Variants in PAAF1 observed in about 807,000 individuals in gnomAD.
The protein encoded by PAAF1 is proteasomal ATPase associated factor 1.
A neutral mutation model predicts 52.8 loss-of-function variants in PAAF1; 46 were observed. That is an observed-to-expected ratio of 0.87 (90% CI 0.69 to 1.11). The LOEUF is 1.11. Among genes scored for constraint, PAAF1 ranks in the 50% most tolerant of loss-of-function variants. PAAF1 has a pLI of 0.00. For missense variants in PAAF1, 424 were observed against 477.4 expected, an observed-to-expected ratio of 0.89 and a Z score of 1.04; for synonymous variants, 178 against 172.8, an observed-to-expected ratio of 1.03 and a Z score of -0.24.
At chr11:73,904,867 G>T (rs753225864) in intron 6 of PAAF1, among the ~76,000 whole-genome samples, 6 of 152,174 alleles carry the variant, frequency 3.9e-5, no homozygotes, top group African/African-American at 7.2e-5. Context: ...TGGGATGCTC[G>T]TATGTGATTC....
chr11:73,894,632 A>G, intron 4 of PAAF1, among the ~76,000 whole-genome samples: 1 of 149,334 alleles, frequency 6.7e-6, no homozygotes. Flanking sequence ...AAAGTATAAT[A>G]ATAAAAAAAA....
At chr11:73,925,168 A>C (rs60812833) in intron 11 of PAAF1, among the ~76,000 whole-genome samples, 10,022 of 150,960 alleles carry the variant, frequency 0.066, 430 homozygotes, top group South Asian at 0.21. Flanking sequence ...AAAAAAAAAA[A>C]AAAAAAACAA....
rs562260358 is a variant in PAAF1 at position 73,911,738 on chromosome 11, A to G, written c.727+2145A>G. Among the ~76,000 whole-genome samples, 3 of 149,412 alleles carry G rather than the reference A, an allele frequency of 2.0e-5. No individual in the cohort carries two copies. In the South Asian group the frequency reaches 6.4e-4, roughly 32 times the overall value. ...CCTCCCAGGTTCAAGTGTTCGAGTG[A>G]TTCTTGTGCCTCAGCCTCCCGAGTA... On this transcript the variant is annotated intron_variant, in intron 7 of 11. Transcript: ENST00000310571.
chr11:73,925,771 A>G (rs1441169065), intron 11 of PAAF1, among the ~76,000 whole-genome samples: 3 of 152,214 alleles, frequency 2.0e-5, no homozygotes, highest in African/African-American at 2.4e-5. Flanking sequence ...TACTATTCCT[A>G]TTTTTTCCTA....
rs1328497693 is a variant in PAAF1 at position 73,929,037 on chromosome 11, AGGC to A, written c.*1677_*1679del. ...CCCGGCCGGCCACCAGAGTTTTTAA[AGGC>A]GTATTCTCATGTAAATTTTTTTTTT... On this transcript the variant is annotated 3_prime_UTR_variant, in exon 12 of 12. Transcript: ENST00000310571. 1 of 151,384 alleles carries A rather than the reference AGGC, an allele frequency of 6.6e-6. No individual in the cohort carries two copies. Among genetic ancestry groups the A allele is most frequent in the Admixed American group, 6.6e-5 (1 of 15,178 alleles). 9.4% of individuals were successfully genotyped at this position (151,384 alleles called of 1,614,324 possible).
intron 11 of PAAF1, among the ~76,000 whole-genome samples, chr11:73,925,175 AC>A (rs1484539280): frequency 0.015 from 2,179 of 147,912 alleles, 58 homozygotes; most frequent in African/African-American, 0.051. Context: ...AAAAAAAAAA[AC>A]AAGTGACTTC....
At chr11:73,923,560 G>C (rs1198799960) in intron 10 of PAAF1, among the ~76,000 whole-genome samples, 5 of 152,102 alleles carry the variant, frequency 3.3e-5, no homozygotes, top group African/African-American at 1.2e-4. Context: ...TTTTGAGACA[G>C]AGTCTCACTC....
Position 73,927,486 on chromosome 11 carries a change from CAG to C in PAAF1, c.*126_*127del. The C allele has an allele frequency of 1.3e-6, 1 of 798,980 alleles. No homozygotes were observed. Among genetic ancestry groups the C allele is most frequent in the Non-Finnish European group, 2.1e-6 (1 of 482,590 alleles). The allele number at this position is 798,980 out of a possible 1,614,324, so 49.5% of individuals were successfully genotyped here. ...TGTCTTGGGCACCCCTTGGAAATCA[CAG>C]AAAGTCAGCTGTACTGGCCGTGTGG... On this transcript the variant is annotated 3_prime_UTR_variant, in exon 12 of 12. Transcript: ENST00000310571.
At chr11:73,882,048 A>T (rs900615397) in intron 2 of PAAF1, among the ~76,000 whole-genome samples, 3 of 141,938 alleles carry the variant, frequency 2.1e-5, no homozygotes, top group African/African-American at 7.8e-5. Flanking sequence ...CTAATTTTGT[A>T]TTTTTTTTTT....
At chr11:73,923,939 T>TAAAA (rs1488795884) in intron 10 of PAAF1, among the ~76,000 whole-genome samples, 1 of 152,134 alleles carries the variant, frequency 6.6e-6, no homozygotes, top group African/African-American at 2.4e-5. Context: ...AATGTTTCTT[T>TAAAA]AAAAAATGTT....
At chr11:73,914,788 A>G (rs113413367) in intron 8 of PAAF1, among the ~76,000 whole-genome samples, 12,835 of 149,930 alleles carry the variant, frequency 0.086, 689 homozygotes, top group East Asian at 0.18. Context: ...GCTCACTGCA[A>G]CCTCCACCTC....
chr11:73,893,531 G>C (rs1300914648), intron 4 of PAAF1, among the ~76,000 whole-genome samples: 1 of 151,938 alleles, frequency 6.6e-6, no homozygotes, highest in East Asian at 1.9e-4. Flanking sequence ...GAGGTGAGGA[G>C]TTCAAGACCA....
chr11:73,908,738 C>T (rs1949846070), intron 6 of PAAF1, among the ~76,000 whole-genome samples: 1 of 151,476 alleles, frequency 6.6e-6, no homozygotes, highest in Admixed American at 6.6e-5. Context: ...TAGGTGTCAA[C>T]TTTTTTTTCC....
At position 73,896,141 on chromosome 11, in the gene PAAF1, T is replaced by G. The variant is rs374444569; in HGVS notation, c.283-3005T>G. On this transcript the variant is annotated intron_variant, in intron 4 of 11. Transcript: ENST00000310571. Reference sequence around the variant, plus strand: ...AACACAAAAACTATAAAAGTGAGTTTGGAAAACAAAAAGTGAATCTGAAAT... The same window carrying G: ...AACACAAAAACTATAAAAGTGAGTTGGGAAAACAAAAAGTGAATCTGAAAT... Among the ~76,000 whole-genome samples, 15 of 152,016 alleles carry G rather than the reference T, an allele frequency of 9.9e-5. 1 individual carries two copies. The East Asian group carries it at 1.7e-3, about 18-fold the overall frequency.
At chr11:73,908,857 C>T (rs368764579) in intron 6 of PAAF1, among the ~76,000 whole-genome samples, 4 of 151,410 alleles carry the variant, frequency 2.6e-5, no homozygotes, top group African/African-American at 9.7e-5. Flanking sequence ...GGCGTGATCT[C>T]GGGTCACTGC....
intron 1 of PAAF1, among the ~76,000 whole-genome samples, chr11:73,877,593 G>A (rs897824380): frequency 6.6e-6 from 1 of 152,096 alleles, no homozygotes; most frequent in African/African-American, 2.4e-5. Context: ...TCTTCAAGAA[G>A]CTGACATCCA....
At chr11:73,892,169 C>G (rs1949218351) in intron 4 of PAAF1, among the ~76,000 whole-genome samples, 1 of 151,786 alleles carries the variant, frequency 6.6e-6, no homozygotes, top group South Asian at 2.1e-4. Context: ...CAGAAAAATA[C>G]AAAAATTAGC....
At position 73,877,032 on chromosome 11, in the gene PAAF1, C is replaced by G; in HGVS notation, c.11C>G (p.Pro4Arg). Reference sequence around the variant, plus strand: ...GGAGGCGGGGTCGAGATGGCGGCGCCTTTGAGGATTCAGAGCGACTGGGCG... The same window carrying G: ...GGAGGCGGGGTCGAGATGGCGGCGCGTTTGAGGATTCAGAGCGACTGGGCG... MAA[P>R]LRIQSDWAQA... Residue 4 changes from proline (P) to arginine (R), a missense_variant, in exon 1 of 12, where the codon CCT becomes CGT. By Grantham distance (103) the Pro-to-Arg change is moderately radical. Coordinates refer to ENST00000310571, the MANE Select transcript of PAAF1 (RefSeq NM_025155.3). The G allele has an allele frequency of 6.5e-7, 1 of 1,534,528 alleles. No homozygotes were observed. The highest frequency in any genetic ancestry group is 8.8e-7 in the Non-Finnish European group (1 of 1,138,118).
At chr11:73,884,863 C>CTT (rs1201853305) in intron 2 of PAAF1, among the ~76,000 whole-genome samples, 207 of 144,004 alleles carry the variant, frequency 1.4e-3, no homozygotes, top group African/African-American at 4.8e-3. Flanking sequence ...TTCTTTTATT[C>CTT]TTTTTTTTTT....
Sources: allele counts gnomAD v4.1 joint callset (sites outside exome capture counted in the v4.1 genomes callset), GRCh38; gene constraint gnomAD v4.1.1; transcripts MANE v1.5; gene names NCBI Gene and HGNC (gene_info 2026-07-23, HGNC 2026-07-21).